COCH: variants seen among roughly 807,000 people sequenced by gnomAD.
COCH encodes the protein coagulation factor C homolog, cochlin (Limulus polyphemus).
Under a neutral mutation model 54.8 loss-of-function variants are expected in COCH, and 40 were observed. That is an observed-to-expected ratio of 0.73 (90% confidence interval 0.57 to 0.95). The LOEUF (loss-of-function observed/expected upper bound fraction) is 0.95, where lower values mean the gene tolerates loss of function less well. Ranked by LOEUF, COCH falls within the 40% of genes least tolerant of loss-of-function variation. COCH has a pLI of 0.00. For synonymous variants in COCH, 256 were observed against 237.9 expected (o/e 1.08, Z -0.70); for missense variants, 605 against 675.0 (o/e 0.90, Z 1.15).
At chr14:30,879,826 AT>A (rs570405043) in intron 6 of COCH, among the ~76,000 whole-genome samples, 5 of 151,286 alleles carry the variant, frequency 3.3e-5, no homozygotes, top group South Asian at 2.1e-4. Flanking sequence ...TTGATTTTTA[AT>A]TTTTTTTATT....
rs61175020 is a variant in COCH at position 30,882,120 on chromosome 14, GTTTTTTTTT to G, written c.629+1405_629+1413del. Among the ~76,000 whole-genome samples, 420 of 67,898 alleles carry G rather than the reference GTTTTTTTTT, an allele frequency of 6.2e-3. 12 individuals are homozygous for G. The highest frequency in any genetic ancestry group is 0.033 in the Middle Eastern group (3 of 90). 44.5% of individuals were successfully genotyped at this position (67,898 alleles called of 152,430 possible). A position where few individuals can be genotyped will look rare whatever the true frequency, so the allele number is the denominator to read the frequency against. The stretch of plus-strand genomic sequence containing the variant: ...CCCTAGAGATAATCACTATAAAATG[GTTTTTTTTT>G]TTTTTTTTTTTTTTTTTTGAGACGG... On this transcript the variant is annotated intron_variant, in intron 8 of 11. Coordinates refer to ENST00000396618, the MANE Select transcript of COCH (RefSeq NM_004086.3).
downstream of COCH, among the ~76,000 whole-genome samples, chr14:30,892,287 A>T (rs1183825073): frequency 5.9e-5 from 9 of 152,236 alleles, no homozygotes; most frequent in Non-Finnish European, 7.3e-5. Flanking sequence ...TTTCAGTTTT[A>T]ATACATTCCA....
intron 4 of COCH, among the ~76,000 whole-genome samples, 200 bp from the exon 5 acceptor site, chr14:30,878,611 C>T (rs916627046): frequency 2.6e-5 from 4 of 152,254 alleles, no homozygotes; most frequent in Middle Eastern, 3.4e-3. Flanking sequence ...GAGCCGAGAT[C>T]GCGCCACTGC....
In COCH at chr14:30,885,938, T is replaced by A. The variant is rs375542487; in HGVS notation, c.1103T>A (p.Ile368Asn). The change falls in exon 11 of 12, where the codon ATT (isoleucine) becomes AAT (asparagine). Residue 368 changes from isoleucine (I) to asparagine (N), a missense_variant. Coordinates refer to ENST00000396618, the MANE Select transcript of COCH (RefSeq NM_004086.3). The stretch of plus-strand genomic sequence containing the variant: ...AAGACCTGTTATAACTCAGTGAACA[T>A]TGCCTTTCTAATTGATGGCTCCAGC... ...CSKTCYNSVN[I>N]AFLIDGSSSV... 3 of 1,614,060 alleles carry A rather than the reference T, an allele frequency of 1.9e-6. No individual in the cohort carries two copies. In the African/African-American group the frequency reaches 4.0e-5, roughly 22 times the overall value.
intron 11 of COCH, among the ~76,000 whole-genome samples, chr14:30,886,893 T>A (rs530003180): frequency 1.6e-3 from 246 of 152,174 alleles, no homozygotes; most frequent in African/African-American, 5.2e-3. Context: ...AATTTTTAAA[T>A]TTTTTTGGGG....
At chr14:30,880,540 C>T (rs962753370) in intron 7 of COCH, 44 bp downstream of exon 7, 5 of 1,614,086 alleles carry the variant, frequency 3.1e-6, no homozygotes, top group Middle Eastern at 1.6e-4. Flanking sequence ...ATTTTCCCTC[C>T]CTCCTCTTGA....
rs769673342 is a variant in COCH at position 30,880,742 on chromosome 14, C to T, written c.629+8C>T. The T allele has an allele frequency of 6.2e-7, 1 of 1,607,672 alleles. No homozygotes were observed. Among genetic ancestry groups the T allele is most frequent in the Non-Finnish European group, 8.5e-7 (1 of 1,174,820 alleles). ...GGGCCTTGTTCAAGCCAGGTACCAA[C>T]CTTGTTAAAATGGGAGATTTAAAAA... On this transcript the variant is annotated splice_region_variant and intron_variant, in intron 8 of 11. Transcript: ENST00000396618.
At position 30,882,853 on chromosome 14, in the gene COCH, T is replaced by TA. The variant is rs562352472; in HGVS notation, c.630-1699dup. Among the ~76,000 whole-genome samples the TA allele has an allele frequency of 1.4e-4, 22 of 152,282 alleles. No homozygotes were observed. The South Asian group carries it at 3.9e-3, about 27-fold the overall frequency. On this transcript the variant is annotated intron_variant, in intron 8 of 11. Transcript: ENST00000396618. ...GCAGTGAGCTATGATGGCACCACTCTACTCCAGCCTGGACAACAGAGAAAG... is the reference window on the plus strand; with the variant it reads ...GCAGTGAGCTATGATGGCACCACTCTAACTCCAGCCTGGACAACAGAGAAAG...
intron 5 of COCH, 91 bp from the exon 6 acceptor site, chr14:30,879,332 C>A: frequency 2.3e-6 from 3 of 1,279,856 alleles, no homozygotes; most frequent in Non-Finnish European, 2.2e-6. Flanking sequence ...TACCCTATTA[C>A]ATTTGTCATT....
Position 30,877,860 on chromosome 14 carries a change from AT to A in COCH, c.239+136del. The A allele has an allele frequency of 2.0e-6, 3 of 1,470,724 alleles. No individual in the cohort carries two copies. The highest frequency in any genetic ancestry group is 2.8e-6 in the Non-Finnish European group (3 of 1,085,126). The allele number at this position is 1,470,724 out of a possible 1,614,324, so 91.1% of individuals were successfully genotyped here. On this transcript the variant is annotated intron_variant, in intron 4 of 11. Transcript: ENST00000396618. This position sits in a 1 kb window ranked among gnomAD's most constrained non-coding sequence, Gnocchi z 8.6. ...CATTGTGGCCACAGAAAATGGATAT[AT>A]TTTCACGGTTCTCCTGGATATACTT... is the stretch of plus-strand genomic sequence containing the variant.
chr14:30,884,429 T>G (rs750495164), intron 8 of COCH, 124 bp from the exon 9 acceptor site: 7 of 697,946 alleles, frequency 1.0e-5, no homozygotes, highest in Non-Finnish European at 1.3e-5. Flanking sequence ...GTTGACTATG[T>G]ACTATGGAAT....
chr14:30,885,461 C>A lies in COCH; in HGVS notation c.801C>A (p.Pro267=). 1.2e-6 allele frequency: 2 copies of A among 1,614,080 alleles called. No homozygotes were observed. The highest frequency in any genetic ancestry group is 1.7e-6 in the Non-Finnish European group (2 of 1,179,964). Residue 267 remains proline (P), a synonymous_variant, in exon 10 of 12, where the codon CCC becomes CCA. Coordinates refer to ENST00000396618, the MANE Select transcript of COCH (RefSeq NM_004086.3). ...ATGCTGGAGTAAGAAAAGGGATCCCCAAAGTGGTGGTGGTATTTATTGATG... is the reference window on the plus strand; with the variant it reads ...ATGCTGGAGTAAGAAAAGGGATCCCAAAAGTGGTGGTGGTATTTATTGATG... ...TVDAGVRKGI[P]KVVVVFIDGW... is the part of the protein sequence containing the mutation.
chr14:30,881,998 T>C (rs1181603985), intron 8 of COCH, among the ~76,000 whole-genome samples: 2 of 150,268 alleles, frequency 1.3e-5, no homozygotes, highest in East Asian at 3.9e-4. Context: ...AATAAATAAA[T>C]ATTTATTTAT....
intron 6 of COCH, 66 bp downstream of exon 6, chr14:30,879,551 T>C: frequency 1.3e-6 from 2 of 1,524,682 alleles, no homozygotes; most frequent in East Asian, 2.3e-5. Flanking sequence ...AATAAACGTG[T>C]TGTTGGTAGA....
intron 3 of COCH, among the ~76,000 whole-genome samples, chr14:30,876,877 C>G (rs1795369727): frequency 6.6e-6 from 1 of 152,058 alleles, no homozygotes; most frequent in Non-Finnish European, 1.5e-5. Context: ...TAGCTCATTG[C>G]AAGCTTGAAC....
At position 30,884,617 on chromosome 14, in the gene COCH, AT is replaced by A; in HGVS notation, c.695del (p.Ile232LysfsTer4). 6.2e-7 allele frequency: 1 copy of A among 1,613,814 alleles called. No homozygotes were observed. Among genetic ancestry groups the A allele is most frequent in the Non-Finnish European group, 8.5e-7 (1 of 1,179,774 alleles). On this transcript the variant is annotated frameshift_variant, in exon 9 of 12. Coordinates refer to ENST00000396618, the MANE Select transcript of COCH (RefSeq NM_004086.3). LOFTEE classifies it high-confidence loss of function. ...FTSAKDVLFA[I>X]KEVGFRGGNS... ...ATCAGCCAAAGATGTTTTGTTTGCCATAAAGGAAGTAGGTTTCAGAGGGGGT... is the reference window on the plus strand; with the variant it reads ...ATCAGCCAAAGATGTTTTGTTTGCCAAAAGGAAGTAGGTTTCAGAGGGGGT...
Position 30,878,820 on chromosome 14 carries a change from C to T in COCH, c.249C>T (p.Ile83=), listed in dbSNP as rs1895465914. ...TATTCTTGTGTTACAGGGGAGTAAT[C>T]AGCAACTCAGGGGGACCTGTACGAG... is the stretch of plus-strand genomic sequence containing the variant. ...ICGAAVHRGV[I]SNSGGPVRVY... Residue 83 remains isoleucine (I), a synonymous_variant, in exon 5 of 12, where the codon ATC becomes ATT. Coordinates refer to ENST00000396618, the MANE Select transcript of COCH (RefSeq NM_004086.3). 1 of 1,614,126 alleles carries T rather than the reference C, an allele frequency of 6.2e-7. No homozygotes were observed. Among genetic ancestry groups the T allele is most frequent in the Non-Finnish European group, 8.5e-7 (1 of 1,180,030 alleles).
intron 8 of COCH, among the ~76,000 whole-genome samples, chr14:30,881,416 G>A (rs1895582744): frequency 6.6e-6 from 1 of 151,900 alleles, no homozygotes; most frequent in African/African-American, 2.4e-5. Context: ...CTCCTTTTTG[G>A]AATAAAAGAA....
chr14:30,884,976 T>A (rs770311489), intron 9 of COCH: 2 of 1,598,278 alleles, frequency 1.3e-6, no homozygotes, highest in Non-Finnish European at 1.7e-6. Context: ...ACTTATCTAA[T>A]GAATGCAGAT....
Sources: gnomAD v4.1 joint callset for allele counts (sites outside exome capture counted in the v4.1 genomes callset) on GRCh38, gnomAD v4.1.1 for gene constraint, Gnocchi (gnomAD v3.1) non-coding constraint, MANE v1.5 for transcripts, NCBI Gene and HGNC (gene_info 2026-07-23, HGNC 2026-07-21) for gene names.